Variants in USP10 observed in about 807,000 individuals in gnomAD.
USP10 encodes the protein ubiquitin carboxyl-terminal hydrolase 10.
A neutral mutation model predicts 84.5 loss-of-function variants in USP10; 22 were observed. That is an observed-to-expected ratio of 0.26 (90% CI 0.19 to 0.37). USP10 has a LOEUF of 0.37. Among genes scored for constraint, USP10 ranks in the 10% least tolerant of loss-of-function variants. The pLI, the probability that USP10 is intolerant of heterozygous loss-of-function variation, is 1.00. For missense variants in USP10, 1,019 were observed against 998.9 expected (o/e 1.02, Z -0.27); for synonymous variants, 454 against 387.6 (o/e 1.17, Z -2.01).
chr16:84,744,781 C>T lies in USP10; in HGVS notation c.300C>T (p.Thr100=), dbSNP rs934414061. 6.2e-7 allele frequency: 1 copy of T among 1,613,704 alleles called. No homozygotes were observed. Among genetic ancestry groups the T allele is most frequent in the East Asian group, 2.2e-5 (1 of 44,884 alleles). Residue 100 remains threonine, a synonymous_variant, in exon 4 of 14, where the codon ACC becomes ACT. Transcript: ENST00000219473. ...TCGGTTGTACAGCTTCCAAAATAAC[C>T]CCTGATGGTATCACTAAAGAAGCAA... ...FILGCTASKI[T]PDGITKEASY...
Position 84,748,565 on chromosome 16 carries a change from A to C in USP10, c.1192+2892A>C, listed in dbSNP as rs193019224. On this transcript the variant is annotated intron_variant, in intron 4 of 13. Coordinates refer to ENST00000219473, the MANE Select transcript of USP10 (RefSeq NM_005153.3). The stretch of plus-strand genomic sequence containing the variant: ...GTGATCCTCCTGCCTCAGCCTCTCA[A>C]AGTGCTGAGATTACAGGCGTGAGCC... Among the ~76,000 whole-genome samples, 1,445 of 152,262 alleles carry C rather than the reference A, an allele frequency of 9.5e-3. 11 individuals are homozygous for C. The highest frequency in any genetic ancestry group is 0.011 in the Non-Finnish European group (780 of 68,012).
intron 1 of USP10, among the ~76,000 whole-genome samples, chr16:84,710,489 G>C (rs1464130983): frequency 6.6e-6 from 1 of 152,126 alleles, no homozygotes. Context: ...GAGGCAGGTA[G>C]CCCTTCAGTG....
chr16:84,765,009 A>C (rs954097407), intron 10 of USP10, among the ~76,000 whole-genome samples: 5 of 150,204 alleles, frequency 3.3e-5, no homozygotes, highest in Admixed American at 6.6e-5. Context: ...CGGGAGGCAG[A>C]GGTTGCAGTG....
chr16:84,717,168 C>T (rs775242401), intron 1 of USP10, among the ~76,000 whole-genome samples: 1 of 152,112 alleles, frequency 6.6e-6, no homozygotes, highest in Non-Finnish European at 1.5e-5. Flanking sequence ...CTTTGAGTAG[C>T]AGGTCGTATT....
chr16:84,700,888 C>T (rs1402176866), intron 1 of USP10, among the ~76,000 whole-genome samples: 1 of 151,976 alleles, frequency 6.6e-6, no homozygotes, highest in African/African-American at 2.4e-5. Context: ...TCTTATTCCC[C>T]TCTCCCACCC....
At chr16:84,752,839 T>A (rs1912092416) in intron 4 of USP10, among the ~76,000 whole-genome samples, 2 of 152,242 alleles carry the variant, frequency 1.3e-5, no homozygotes, top group South Asian at 2.1e-4. Context: ...ACGTGTGAGA[T>A]GTTACAAAAG....
intron 1 of USP10, among the ~76,000 whole-genome samples, chr16:84,719,743 C>T (rs1262345596): frequency 6.6e-6 from 1 of 152,132 alleles, no homozygotes; most frequent in Non-Finnish European, 1.5e-5. Context: ...GATTTCAGAC[C>T]ATATCCAGGA....
At chr16:84,717,497 C>G (rs1442187132) in intron 1 of USP10, among the ~76,000 whole-genome samples, 1 of 152,094 alleles carries the variant, frequency 6.6e-6, no homozygotes, top group East Asian at 1.9e-4. Context: ...TTTTAATGTC[C>G]TTTTTATGTC....
chr16:84,762,850 G>T, intron 8 of USP10, 139 bp from the exon 9 acceptor site: 1 of 523,066 alleles, frequency 1.9e-6, no homozygotes, highest in East Asian at 2.8e-5. Flanking sequence ...GGAAACCCAT[G>T]TCATCATGTC....
In USP10 at chr16:84,760,144, G is replaced by A. The variant is rs750513545; in HGVS notation, c.1451-28G>A. On this transcript the variant is annotated intron_variant, in intron 7 of 13. Transcript: ENST00000219473. ...TCATTTATGAGTTCATTGTAGTTAGGAAAACCTGTGTCCTCTTTCCATTGC... is the reference window on the plus strand; with the variant it reads ...TCATTTATGAGTTCATTGTAGTTAGAAAAACCTGTGTCCTCTTTCCATTGC... 5.1e-6 allele frequency: 8 copies of A among 1,583,040 alleles called. No homozygotes were observed. In the South Asian group the frequency reaches 5.7e-5, roughly 11 times the overall value.
chr16:84,772,442 C>G (rs1309577163), intron 11 of USP10, 99 bp from the exon 12 acceptor site: 25 of 1,544,784 alleles, frequency 1.6e-5, no homozygotes, highest in Non-Finnish European at 2.6e-6. Flanking sequence ...ACTCTTGGGC[C>G]TCACCTCTCA....
intron 10 of USP10, among the ~76,000 whole-genome samples, chr16:84,765,946 G>C (rs1567645956): frequency 6.6e-6 from 1 of 152,194 alleles, no homozygotes; most frequent in Non-Finnish European, 1.5e-5. Flanking sequence ...TCTCCAAGAA[G>C]GTTTACCCAT....
intron 4 of USP10, among the ~76,000 whole-genome samples, chr16:84,756,984 G>A (rs142383322): frequency 5.1e-4 from 77 of 152,340 alleles, no homozygotes; most frequent in African/African-American, 1.7e-3. Flanking sequence ...CTTGAGTCAG[G>A]TGGACCCAGG....
At position 84,700,058 on chromosome 16, in the gene USP10, G is replaced by C; in HGVS notation, c.-33G>C. On this transcript the variant is annotated 5_prime_UTR_variant, in exon 1 of 14. Transcript: ENST00000219473. Reference sequence around the variant, plus strand: ...GCGGGGGAAGCAGCGTGAGCAGCCGGAGGATCGCGGAGTCCCAATGAAACG... The same window carrying C: ...GCGGGGGAAGCAGCGTGAGCAGCCGCAGGATCGCGGAGTCCCAATGAAACG... 7.3e-7 allele frequency: 1 copy of C among 1,367,142 alleles called. No individual in the cohort carries two copies. Among genetic ancestry groups the C allele is most frequent in the Non-Finnish European group, 9.6e-7 (1 of 1,039,330 alleles). 84.7% of individuals were successfully genotyped at this position (1,367,142 alleles called of 1,614,324 possible).
chr16:84,721,554 G>T (rs1907816190), intron 1 of USP10, among the ~76,000 whole-genome samples: 1 of 152,140 alleles, frequency 6.6e-6, no homozygotes, highest in South Asian at 2.1e-4. Context: ...TTCAGACGAG[G>T]TCTTGCTCTG....
chr16:84,758,058 G>A (rs1912790532), intron 4 of USP10, among the ~76,000 whole-genome samples: 2 of 152,202 alleles, frequency 1.3e-5, no homozygotes, highest in Non-Finnish European at 2.9e-5. Flanking sequence ...TTAATACACA[G>A]AAAGAGTGAT....
chr16:84,749,249 C>T (rs1317766124), intron 4 of USP10, among the ~76,000 whole-genome samples: 1 of 152,120 alleles, frequency 6.6e-6, no homozygotes, highest in East Asian at 1.9e-4. Flanking sequence ...GATCCACTAC[C>T]ACAAATTCCC....
At chr16:84,707,508 T>G (rs1050625546) in intron 1 of USP10, among the ~76,000 whole-genome samples, 3 of 152,240 alleles carry the variant, frequency 2.0e-5, no homozygotes, top group Non-Finnish European at 1.5e-5. Context: ...TCTTCTATGC[T>G]TTTTTCCACT....
chr16:84,736,857 C>T (rs1002939178), intron 2 of USP10, among the ~76,000 whole-genome samples: 4 of 152,168 alleles, frequency 2.6e-5, no homozygotes, highest in Non-Finnish European at 5.9e-5. Flanking sequence ...GGCGTGATCT[C>T]GGCTCACTGC....
Sources: gnomAD v4.1 joint callset for allele counts (sites outside exome capture counted in the v4.1 genomes callset) on GRCh38, gnomAD v4.1.1 for gene constraint, MANE v1.5 for transcripts, NCBI Gene and HGNC (gene_info 2026-07-23, HGNC 2026-07-21) for gene names.